CCDC30: variants seen among roughly 807,000 people sequenced by gnomAD.
CCDC30 encodes the protein coiled-coil domain containing 30, also known as coiled-coil domain-containing protein 30.
CCDC30 carries 70 observed loss-of-function variants against 100.2 expected under a neutral mutation model. The ratio of observed to expected loss-of-function variants is 0.70; its 90% confidence interval spans 0.58 to 0.85. The LOEUF (loss-of-function observed/expected upper bound fraction) is 0.85. Among genes scored for constraint, CCDC30 ranks in the 40% least tolerant of loss-of-function variants. The pLI, the probability that CCDC30 is intolerant of heterozygous loss-of-function variation, is 0.00. For missense variants in CCDC30, 652 were observed against 771.2 expected (o/e 0.85, Z 1.83); for synonymous variants, 233 against 269.5 (o/e 0.86, Z 1.33).
At chr1:42,639,447 G>A (rs867900224) in intron 12 of CCDC30, among the ~76,000 whole-genome samples, 3 of 152,192 alleles carry the variant, frequency 2.0e-5, no homozygotes, top group Non-Finnish European at 4.4e-5. Context: ...TCAAAACTAT[G>A]AGAAAATGTT....
At chr1:42,500,255 G>A (rs1449596217) in intron 6 of CCDC30, 1 of 1,609,768 alleles carries the variant, frequency 6.2e-7, no homozygotes, top group South Asian at 1.1e-5. Context: ...TTGGAAGGCA[G>A]TGGATTTTTC....
At chr1:42,463,035 C>G (rs1272021125), upstream of CCDC30, among the ~76,000 whole-genome samples, 2 of 152,196 alleles carry the variant, frequency 1.3e-5, no homozygotes, top group Non-Finnish European at 2.9e-5. Flanking sequence ...GCTAGAACGC[C>G]CCAAGACAAA....
chr1:42,501,083 A>G (rs1228983590), intron 6 of CCDC30, among the ~76,000 whole-genome samples: 2 of 152,172 alleles, frequency 1.3e-5, no homozygotes, highest in African/African-American at 4.8e-5. Flanking sequence ...CAAAAAGCCT[A>G]TTTAAGAAAT....
chr1:42,643,219 A>G (rs954680479), intron 13 of CCDC30, among the ~76,000 whole-genome samples: 18 of 152,310 alleles, frequency 1.2e-4, no homozygotes, highest in Non-Finnish European at 1.9e-4. Context: ...TAATCCTGAC[A>G]CCAATCCCAG....
Position 42,550,011 on chromosome 1 carries a change from C to T in CCDC30, c.457-16285C>T, listed in dbSNP as rs1237214108. 2.6e-5 allele frequency among the ~76,000 whole-genome samples: 4 copies of T among 152,176 alleles called. No individual in the cohort carries two copies. In the East Asian group the frequency reaches 5.8e-4, roughly 22 times the overall value. On this transcript the variant is annotated intron_variant, in intron 6 of 16. Coordinates refer to ENST00000668663, the Ensembl canonical transcript of CCDC30. The stretch of plus-strand genomic sequence containing the variant: ...GTTCAACTTGATGTTGACTTTCTGT[C>T]TCCTTCACAGACTACCAATGTATTT...
intron 11 of CCDC30, among the ~76,000 whole-genome samples, chr1:42,614,638 T>C (rs1646690413): frequency 6.6e-6 from 1 of 151,470 alleles, no homozygotes; most frequent in South Asian, 2.1e-4. Flanking sequence ...AATACAAAAA[T>C]TAGCTAGGCA....
intron 12 of CCDC30, among the ~76,000 whole-genome samples, chr1:42,642,033 G>A (rs1052969648): frequency 9.9e-5 from 15 of 152,064 alleles, no homozygotes; most frequent in African/African-American, 2.7e-4. Context: ...AGACCATCCT[G>A]GCTAACACGG....
At chr1:42,485,571 A>G (rs939168694) in intron 3 of CCDC30, among the ~76,000 whole-genome samples, 4 of 152,200 alleles carry the variant, frequency 2.6e-5, no homozygotes, top group African/African-American at 9.7e-5. Context: ...AGGTGGAAGG[A>G]TAGCTTGAGC....
At chr1:42,542,915 TA>T (rs1265501760) in intron 6 of CCDC30, 1 of 153,776 alleles carries the variant, frequency 6.5e-6, no homozygotes, top group East Asian at 1.9e-4. Context: ...CTTTACTACT[TA>T]AGTGACTAAC....
At chr1:42,477,504 A>C (rs1367399215) in intron 1 of CCDC30, among the ~76,000 whole-genome samples, 3 of 152,206 alleles carry the variant, frequency 2.0e-5, no homozygotes, top group Non-Finnish European at 4.4e-5. Flanking sequence ...CTGGGATTAC[A>C]GGCCACGTGT....
At chr1:42,473,244 A>G (rs1341827895) in intron 1 of CCDC30, 1 of 1,231,508 alleles carries the variant, frequency 8.1e-7, no homozygotes, top group Non-Finnish European at 1.0e-6. Flanking sequence ...AGACAGGCTG[A>G]GGACTGCTAC....
intron 6 of CCDC30, among the ~76,000 whole-genome samples, chr1:42,505,113 G>A (rs1017634418): frequency 6.6e-6 from 1 of 152,192 alleles, no homozygotes; most frequent in Non-Finnish European, 1.5e-5. Context: ...ATTCCCACAA[G>A]GGTGGTGTAG....
downstream of CCDC30, among the ~76,000 whole-genome samples, chr1:42,655,305 G>T (rs1415653517): frequency 6.6e-6 from 1 of 152,126 alleles, no homozygotes; most frequent in Non-Finnish European, 1.5e-5. Flanking sequence ...ACTTTGGGAG[G>T]CCGAGGTGGG....
At chr1:42,515,185 CTG>C (rs373438933) in intron 6 of CCDC30, among the ~76,000 whole-genome samples, 5 of 141,764 alleles carry the variant, frequency 3.5e-5, no homozygotes, top group South Asian at 2.3e-4. Flanking sequence ...GAGGCAGAGA[CTG>C]GAATGATGCA....
intron 1 of CCDC30, chr1:42,467,930 G>C (rs1643642046): frequency 6.6e-6 from 1 of 152,218 alleles, no homozygotes; most frequent in African/African-American, 2.4e-5. Flanking sequence ...TTTCAGCCTT[G>C]CTGATGAGCA....
intron 6 of CCDC30, among the ~76,000 whole-genome samples, chr1:42,546,400 ATATATATATATATATATATATATAT>A (rs1479394137): frequency 1.2e-4 from 12 of 97,590 alleles, no homozygotes; most frequent in Middle Eastern, 5.7e-3. Context: ...AAAAAAAAAA[ATATATATATATATATATATATATAT>A]ATATATATAT....
chr1:42,524,276 T>C (rs1644691536), intron 6 of CCDC30, among the ~76,000 whole-genome samples: 1 of 152,206 alleles, frequency 6.6e-6, no homozygotes, highest in African/African-American at 2.4e-5. Context: ...GTTGTGGCAT[T>C]AGCCTGATGT....
At chr1:42,534,282 G>C (rs1644857094) in intron 6 of CCDC30, among the ~76,000 whole-genome samples, 2 of 151,988 alleles carry the variant, frequency 1.3e-5, no homozygotes, top group Non-Finnish European at 2.9e-5. Context: ...AAGCATCTCA[G>C]GTGCCATAAG....
chr1:42,562,972 G>A (rs571335800), intron 6 of CCDC30, among the ~76,000 whole-genome samples: 1 of 152,232 alleles, frequency 6.6e-6, no homozygotes, highest in Admixed American at 6.5e-5. Flanking sequence ...TGACGAGGCT[G>A]TGGAGAAATA....
Sources: allele counts gnomAD v4.1 joint callset (sites outside exome capture counted in the v4.1 genomes callset), GRCh38; gene constraint gnomAD v4.1.1; transcripts MANE v1.5; gene names NCBI Gene and HGNC (gene_info 2026-07-23, HGNC 2026-07-21).